The following KTN1 variants were observed in gnomAD, a reference collection of about 807,000 sequenced individuals.
KTN1 encodes kinectin.
KTN1 carries 130 observed loss-of-function variants against 222.5 expected under a neutral mutation model. The observed-to-expected ratio is 0.58, with a 90% CI of 0.51 to 0.68. The LOEUF is 0.68. Among genes scored for constraint, KTN1 ranks in the 30% least tolerant of loss-of-function variants. The probability of loss-of-function intolerance (pLI) is 0.00; values close to 1 mark genes in which losing one functional copy is unlikely to be tolerated. For missense variants in KTN1, 1,508 were observed against 1,500.4 expected (o/e 1.01, Z -0.08); for synonymous variants, 512 against 496.3 (o/e 1.03, Z -0.42).
chr14:55,623,863 G>A (rs957768162), intron 5 of KTN1, among the ~76,000 whole-genome samples: 1 of 152,182 alleles, frequency 6.6e-6, no homozygotes, highest in Non-Finnish European at 1.5e-5. Flanking sequence ...ATTGCTTTAA[G>A]TGTCTCTCTT....
intron 1 of KTN1, among the ~76,000 whole-genome samples, chr14:55,599,910 C>T (rs1331115650): frequency 6.6e-6 from 1 of 151,808 alleles, no homozygotes; most frequent in Non-Finnish European, 1.5e-5. Context: ...ATTTTTTTAA[C>T]TTAGTGATTT....
chr14:55,608,828 C>T (rs1366307890), intron 1 of KTN1, among the ~76,000 whole-genome samples: 1 of 151,970 alleles, frequency 6.6e-6, no homozygotes, highest in Non-Finnish European at 1.5e-5. Context: ...CGGGGTTTCA[C>T]CATGTTGATC....
chr14:55,664,032 G>C lies in KTN1; in HGVS notation c.3168G>C (p.Lys1056Asn). The part of the protein sequence containing the change: ...TEKMLQDKVN[K>N]TSKERQQQVE... Reference sequence around the variant, plus strand: ...AAATGCTGCAGGACAAAGTGAACAAGACTTCCAAGGTTGTAATGCTAACTC... The same window carrying C: ...AAATGCTGCAGGACAAAGTGAACAACACTTCCAAGGTTGTAATGCTAACTC... Residue 1056 changes from lysine (K) to asparagine (N), a missense_variant, in exon 33 of 44, where the codon AAG (lysine) becomes AAC (asparagine). Transcript: ENST00000395314. The C allele has an allele frequency of 1.2e-6, 2 of 1,608,540 alleles. No individual in the cohort carries two copies. Among genetic ancestry groups the C allele is most frequent in the Non-Finnish European group, 1.7e-6 (2 of 1,175,738 alleles).
Position 55,616,400 on chromosome 14 carries a change from T to C in KTN1, c.524-117T>C, listed in dbSNP as rs968301062. The C allele has an allele frequency of 9.4e-6, 8 of 848,080 alleles. No homozygotes were observed. The Admixed American group carries it at 1.2e-4, about 13-fold the overall frequency. The allele number at this position is 848,080 out of a possible 1,614,324, so 52.5% of individuals were successfully genotyped here. Reference sequence around the variant, plus strand: ...GAAAAAGTTATTGGTGAGAGCGTTATATGTCAGACTTTAAATTTTTAGTGG... The same window carrying C: ...GAAAAAGTTATTGGTGAGAGCGTTACATGTCAGACTTTAAATTTTTAGTGG... On this transcript the variant is annotated intron_variant, in intron 2 of 43. Coordinates refer to ENST00000395314, the MANE Select transcript of KTN1 (RefSeq NM_001079521.2).
intron 21 of KTN1, 112 bp from the exon 22 acceptor site, chr14:55,649,664 T>G: frequency 1.5e-6 from 1 of 662,832 alleles, no homozygotes; most frequent in Non-Finnish European, 2.6e-6. Context: ...GCCTGGGCTT[T>G]TCCCATTTGG....
At chr14:55,681,562 C>A (rs1375836820) in intron 43 of KTN1, 1 of 152,100 alleles carries the variant, frequency 6.6e-6, no homozygotes, top group East Asian at 1.9e-4. Context: ...TTTTGATTTG[C>A]AGAATTATAG....
chr14:55,652,771 C>CT (rs2043074603), intron 25 of KTN1, 79 bp from the exon 26 acceptor site: 1 of 926,910 alleles, frequency 1.1e-6, no homozygotes, highest in Middle Eastern at 2.7e-4. Flanking sequence ...CCAAAATATA[C>CT]TTTTTTCAGT....
At chr14:55,639,681 T>C (rs1440431001) in intron 13 of KTN1, among the ~76,000 whole-genome samples, 1 of 151,816 alleles carries the variant, frequency 6.6e-6, no homozygotes, top group Non-Finnish European at 1.5e-5. Context: ...GGTTTTGACA[T>C]AGCTAGCTTT....
chr14:55,656,686 C>T (rs566894210), intron 29 of KTN1, among the ~76,000 whole-genome samples: 2 of 152,042 alleles, frequency 1.3e-5, no homozygotes, highest in African/African-American at 2.4e-5. Flanking sequence ...AGACTGGTCT[C>T]GAACTCCTGA....
rs77704566 is a variant in KTN1 at position 55,676,353 on chromosome 14, C to T, written c.3855+435C>T. Among the ~76,000 whole-genome samples the T allele has an allele frequency of 1.5e-3, 229 of 152,086 alleles. 1 individual carries two copies. The highest frequency in any genetic ancestry group is 2.2e-3 in the Non-Finnish European group (150 of 67,982). Reference sequence around the variant, plus strand: ...TTCATACAAATATATTTTTCCTAATCTCAATGCAAATGAATGATTTTTAGG... The same window carrying T: ...TTCATACAAATATATTTTTCCTAATTTCAATGCAAATGAATGATTTTTAGG... On this transcript the variant is annotated intron_variant, in intron 41 of 43. Transcript: ENST00000395314.
intron 35 of KTN1, chr14:55,671,195 T>C (rs2045414587): frequency 4.0e-6 from 1 of 249,598 alleles, no homozygotes; most frequent in African/African-American, 2.2e-5. Context: ...GTTTTTATCC[T>C]TGGCTACTGA....
chr14:55,598,589 G>C (rs984879613), intron 1 of KTN1, among the ~76,000 whole-genome samples: 11 of 151,814 alleles, frequency 7.2e-5, no homozygotes, highest in Admixed American at 1.3e-4. Context: ...ATGTTGATCA[G>C]TTTTGTTTGT....
intron 29 of KTN1, chr14:55,656,414 A>G (rs967036708): frequency 4.2e-5 from 12 of 288,716 alleles, no homozygotes; most frequent in African/African-American, 2.4e-4. Context: ...TATAAAGCAC[A>G]TTTCTGCCTT....
intron 2 of KTN1, among the ~76,000 whole-genome samples, chr14:55,612,935 T>C (rs1383862219): frequency 6.6e-6 from 1 of 151,776 alleles, no homozygotes; most frequent in Non-Finnish European, 1.5e-5. Flanking sequence ...CTTATAAATA[T>C]CCAACTTTGG....
At position 55,619,214 on chromosome 14, in the gene KTN1, C is replaced by T. The variant is rs757031976; in HGVS notation, c.865C>T (p.Leu289=). 2.5e-6 allele frequency: 4 copies of T among 1,607,814 alleles called. No individual in the cohort carries two copies. The highest frequency in any genetic ancestry group is 8.5e-7 in the Non-Finnish European group (1 of 1,174,928). ...TGAAGTGAAGTTTAAAGATTTTCTT[C>T]TGTCCTTGAAGACTATGATGTTTTC... ...NAEVKFKDFL[L]SLKTMMFSED... is the part of the protein sequence containing the mutation. Residue 289 remains leucine (L), a synonymous_variant, in exon 5 of 44, where the codon CTG becomes TTG. Transcript: ENST00000395314.
rs112917129 is a variant in KTN1 at position 55,639,316 on chromosome 14, CGA to C, written c.1823+95_1823+96del. The C allele has an allele frequency of 9.2e-6, 4 of 436,274 alleles. No individual in the cohort carries two copies. In the South Asian group the frequency reaches 1.1e-4, roughly 12 times the overall value. The allele number at this position is 436,274 out of a possible 1,614,324, so 27.0% of individuals were successfully genotyped here. On this transcript the variant is annotated intron_variant, in intron 13 of 43. Transcript: ENST00000395314. ...CTTATGATTAACTTTATACCTCTGA[CGA>C]CCTGTTCAGAAAATACTCTGAACTA...
At chr14:55,618,682 G>A (rs1284254778) in intron 4 of KTN1, among the ~76,000 whole-genome samples, 4 of 152,260 alleles carry the variant, frequency 2.6e-5, no homozygotes, top group African/African-American at 9.6e-5. Flanking sequence ...TTGATGCATG[G>A]ATTTTTAAAA....
chr14:55,656,302 G>T, intron 29 of KTN1, 170 bp downstream of exon 29: 1 of 584,860 alleles, frequency 1.7e-6, no homozygotes, highest in South Asian at 2.4e-5. Context: ...TGCATAAAAT[G>T]TGTGTATGTA....
At chr14:55,644,992 G>C (rs1048575287) in intron 18 of KTN1, among the ~76,000 whole-genome samples, 3 of 152,166 alleles carry the variant, frequency 2.0e-5, no homozygotes, top group African/African-American at 7.2e-5. Context: ...TGAGGTTGCA[G>C]AGATGAATGA....
Sources: allele counts gnomAD v4.1 joint callset (sites outside exome capture counted in the v4.1 genomes callset), GRCh38; gene constraint gnomAD v4.1.1; transcripts MANE v1.5; gene names NCBI Gene and HGNC (gene_info 2026-07-23, HGNC 2026-07-21).